SND1: variants seen among roughly 807,000 people sequenced by gnomAD.
SND1 encodes staphylococcal nuclease and tudor domain containing 1.
Under a neutral mutation model 121.7 loss-of-function variants are expected in SND1, and 38 were observed. The observed-to-expected ratio is 0.31, with a 90% confidence interval of 0.24 to 0.41. The LOEUF (loss-of-function observed/expected upper bound fraction) is 0.41. SND1 is among the 10% of genes least tolerant of loss of function. The probability of loss-of-function intolerance (pLI) is 1.00; values close to 1 mark genes in which losing one functional copy is unlikely to be tolerated. For missense variants in SND1, 868 were observed against 1,184.6 expected (o/e 0.73, Z 3.92); for synonymous variants, 401 against 447.4 (o/e 0.90, Z 1.31).
chr7:128,017,513 G>A (rs1803252070), intron 16 of SND1, among the ~76,000 whole-genome samples: 2 of 152,204 alleles, frequency 1.3e-5, no homozygotes, highest in African/African-American at 4.8e-5. Context: ...CTCTCTGGGG[G>A]ACAAGTCAGG....
At chr7:128,043,063 G>A (rs571410577) in intron 16 of SND1, among the ~76,000 whole-genome samples, 4 of 152,276 alleles carry the variant, frequency 2.6e-5, no homozygotes, top group South Asian at 2.1e-4. Context: ...TCACTGGCAC[G>A]TGAATGGCAG....
chr7:127,742,283 A>G (rs1031398046), intron 10 of SND1, among the ~76,000 whole-genome samples: 2 of 152,096 alleles, frequency 1.3e-5, no homozygotes, highest in South Asian at 2.1e-4. Flanking sequence ...ATTAAAGGGT[A>G]TTTCTCATTT....
chr7:128,042,977 G>T (rs1423728325), intron 16 of SND1, among the ~76,000 whole-genome samples: 1 of 152,204 alleles, frequency 6.6e-6, no homozygotes, highest in African/African-American at 2.4e-5. Context: ...ACTCTTTTCT[G>T]TGAAGGAAAA....
At chr7:127,972,239 G>GT (rs921128571) in intron 15 of SND1, among the ~76,000 whole-genome samples, 1 of 151,926 alleles carries the variant, frequency 6.6e-6, no homozygotes, top group African/African-American at 2.4e-5. Flanking sequence ...TAGTTTTTAG[G>GT]TTTTTTGCAG....
At chr7:127,917,050 A>G (rs1472840738) in intron 14 of SND1, among the ~76,000 whole-genome samples, 1 of 152,220 alleles carries the variant, frequency 6.6e-6, no homozygotes, top group African/African-American at 2.4e-5. Context: ...TAACTGAACA[A>G]ACTAACTTAT....
At position 127,737,473 on chromosome 7, in the gene SND1, G is replaced by T. The variant is rs143513772; in HGVS notation, c.1152+16073G>T. ...ACCTGTAATCCTAGCTACTTGGGAGGCTGAGACAGGAGAATCGCTTGAACC... is the reference window on the plus strand; with the variant it reads ...ACCTGTAATCCTAGCTACTTGGGAGTCTGAGACAGGAGAATCGCTTGAACC... On this transcript the variant is annotated intron_variant, in intron 10 of 23. Coordinates refer to ENST00000354725, the MANE Select transcript of SND1 (RefSeq NM_014390.4). 2.9e-3 allele frequency among the ~76,000 whole-genome samples: 443 copies of T among 152,316 alleles called. 2 individuals carry two copies. The highest frequency in any genetic ancestry group is 0.01 in the African/African-American group (423 of 41,578).
intron 12 of SND1, among the ~76,000 whole-genome samples, chr7:127,854,352 C>T (rs1273402998): frequency 6.6e-6 from 1 of 152,136 alleles, no homozygotes; most frequent in Non-Finnish European, 1.5e-5. Context: ...TGGTCTTGAA[C>T]TCCTGACCTT....
intron 16 of SND1, among the ~76,000 whole-genome samples, chr7:128,008,464 CTTTTT>C (rs780986426): frequency 1.5e-5 from 2 of 136,076 alleles, no homozygotes. Context: ...TTTTTCTTTC[CTTTTT>C]TTTTTTTTTT....
intron 15 of SND1, among the ~76,000 whole-genome samples, chr7:127,954,309 A>C (rs564028580): frequency 1.3e-5 from 2 of 152,140 alleles, no homozygotes; most frequent in South Asian, 4.1e-4. Context: ...GAAAATATCT[A>C]TCTTTACTCC....
chr7:128,065,812 C>T (rs754739067), intron 16 of SND1, among the ~76,000 whole-genome samples: 5 of 152,212 alleles, frequency 3.3e-5, no homozygotes, highest in Non-Finnish European at 7.3e-5. Context: ...GACTGCCCTT[C>T]ACGTCAACTG....
intron 1 of SND1, among the ~76,000 whole-genome samples, chr7:127,671,062 T>C (rs535845113): frequency 6.6e-6 from 1 of 152,318 alleles, no homozygotes; most frequent in African/African-American, 2.4e-5. Context: ...TAGTTTGATA[T>C]TCAAATTCTT....
intron 16 of SND1, among the ~76,000 whole-genome samples, chr7:128,046,773 G>A (rs995194948): frequency 2.6e-5 from 4 of 152,094 alleles, no homozygotes; most frequent in Non-Finnish European, 5.9e-5. Flanking sequence ...GTCTTTATTT[G>A]TATTAACTGC....
At chr7:127,867,870 A>G (rs527919524) in intron 12 of SND1, among the ~76,000 whole-genome samples, 2 of 150,600 alleles carry the variant, frequency 1.3e-5, no homozygotes, top group Non-Finnish European at 2.9e-5. Context: ...GTTTATATTT[A>G]CATTCCCTGG....
At chr7:127,917,225 G>C (rs1661525535) in intron 14 of SND1, among the ~76,000 whole-genome samples, 1 of 152,154 alleles carries the variant, frequency 6.6e-6, no homozygotes, top group South Asian at 2.1e-4. Flanking sequence ...ACTGGGTGGG[G>C]TAAGATTAAT....
chr7:127,689,003 A>G (rs1312049388), intron 2 of SND1, among the ~76,000 whole-genome samples: 1 of 152,254 alleles, frequency 6.6e-6, no homozygotes, highest in Non-Finnish European at 1.5e-5. Context: ...CCATAATTCT[A>G]CTACCAACAG....
chr7:127,749,042 C>CGT (rs1554420685), intron 10 of SND1, among the ~76,000 whole-genome samples: 49 of 114,606 alleles, frequency 4.3e-4, no homozygotes, highest in African/African-American at 1.3e-3. Flanking sequence ...TTTTTTCTTT[C>CGT]GTTTTTTTTT....
At chr7:127,977,078 C>T (rs771150711) in intron 15 of SND1, among the ~76,000 whole-genome samples, 1 of 152,280 alleles carries the variant, frequency 6.6e-6, no homozygotes, top group Non-Finnish European at 1.5e-5. Context: ...ACCCCTCCCC[C>T]GTTTATCCAA....
At chr7:127,975,923 C>T (rs1042829653) in intron 15 of SND1, among the ~76,000 whole-genome samples, 1 of 152,194 alleles carries the variant, frequency 6.6e-6, no homozygotes, top group African/African-American at 2.4e-5. Context: ...TTCCCAAATA[C>T]CAGTTTCTGA....
intron 1 of SND1, among the ~76,000 whole-genome samples, chr7:127,667,107 C>T (rs1330962547): frequency 6.6e-6 from 1 of 152,092 alleles, no homozygotes; most frequent in Non-Finnish European, 1.5e-5. Flanking sequence ...AAAAGTCATG[C>T]TTCTCATGAG....
Sources: allele counts gnomAD v4.1 joint callset (sites outside exome capture counted in the v4.1 genomes callset), GRCh38; gene constraint gnomAD v4.1.1; transcripts MANE v1.5; gene names NCBI Gene and HGNC (gene_info 2026-07-23, HGNC 2026-07-21).